SNTG1: variants seen among roughly 807,000 people sequenced by gnomAD.
SNTG1 encodes syntrophin gamma 1.
In SNTG1, 39 loss-of-function variants were observed where a neutral mutation model predicts 74.7. The ratio of observed to expected loss-of-function variants is 0.52; its 90% confidence interval spans 0.40 to 0.68. The LOEUF (loss-of-function observed/expected upper bound fraction) is 0.68, where lower values mean the gene tolerates loss of function less well. Ranked by LOEUF, SNTG1 falls within the 30% of genes least tolerant of loss-of-function variation. The pLI, the probability that SNTG1 is intolerant of heterozygous loss-of-function variation, is 0.00. For missense variants in SNTG1, 685 were observed against 609.5 expected, an observed-to-expected ratio of 1.12 and a Z score of -1.30; for synonymous variants, 254 against 217.1, an observed-to-expected ratio of 1.17 and a Z score of -1.49.
In SNTG1 at chr8:50,796,514, A is replaced by C. The variant is rs1802818512; in HGVS notation, c.*3685A>C. On this transcript the variant is annotated 3_prime_UTR_variant, in exon 19 of 19. Coordinates refer to ENST00000642720, the MANE Select transcript of SNTG1 (RefSeq NM_018967.5). The stretch of plus-strand genomic sequence containing the variant: ...ATGCAGTGAAAAGACAAGAAATATA[A>C]AATGTAAATATATTTATTTCATTTT... 1 of 151,938 alleles carries C rather than the reference A, an allele frequency of 6.6e-6. No individual in the cohort carries two copies. The highest frequency in any genetic ancestry group is 1.5e-5 in the Non-Finnish European group (1 of 67,918). The allele number at this position is 151,938 out of a possible 1,614,324, so 9.4% of individuals were successfully genotyped here. A position where few individuals can be genotyped will look rare whatever the true frequency, so the allele number is the denominator to read the frequency against.
chr8:50,354,861 G>T (rs764790099), intron 2 of SNTG1, among the ~76,000 whole-genome samples: 1 of 152,084 alleles, frequency 6.6e-6, no homozygotes, highest in African/African-American at 2.4e-5. Flanking sequence ...CTAACTAAAA[G>T]TAATAAAATT....
At chr8:50,113,111 A>G (rs1303953146) in intron 1 of SNTG1, among the ~76,000 whole-genome samples, 1 of 152,126 alleles carries the variant, frequency 6.6e-6, no homozygotes, top group Admixed American at 6.6e-5. Context: ...TGAATTTTAA[A>G]GTAGTTTTTT....
intron 2 of SNTG1, among the ~76,000 whole-genome samples, chr8:50,185,219 G>A (rs1212241247): frequency 1.3e-5 from 2 of 152,072 alleles, no homozygotes; most frequent in Non-Finnish European, 2.9e-5. Flanking sequence ...TCATGATAAT[G>A]ACTGAGTCTC....
intron 1 of SNTG1, among the ~76,000 whole-genome samples, chr8:50,084,948 A>G (rs1172012203): frequency 2.0e-5 from 3 of 152,126 alleles, no homozygotes; most frequent in Non-Finnish European, 2.9e-5. Flanking sequence ...TCTGTTTTTC[A>G]TAAATTATCC....
chr8:50,179,431 A>T (rs1353159532), intron 2 of SNTG1, among the ~76,000 whole-genome samples: 8 of 152,192 alleles, frequency 5.3e-5, no homozygotes, highest in African/African-American at 1.7e-4. Flanking sequence ...CTTTCAAGCC[A>T]TAAACATTAG....
intron 1 of SNTG1, among the ~76,000 whole-genome samples, chr8:50,073,539 T>C (rs779873889): frequency 1.3e-5 from 2 of 152,220 alleles, no homozygotes; most frequent in Non-Finnish European, 2.9e-5. Context: ...GAGTTCTGAA[T>C]GTTATTAATG....
Position 50,221,485 on chromosome 8 carries a change from C to T in SNTG1, c.-28+48850C>T, listed in dbSNP as rs146221815. ...AGAGATGATAATGCAAGGACTTTTA[C>T]ATCTGCTACCCCTCCCAACACACAC... On this transcript the variant is annotated intron_variant, in intron 2 of 18. Coordinates refer to ENST00000642720, the MANE Select transcript of SNTG1 (RefSeq NM_018967.5). Among the ~76,000 whole-genome samples, 1,228 of 150,014 alleles carry T rather than the reference C, an allele frequency of 8.2e-3. 19 individuals carry two copies. Among genetic ancestry groups the T allele is most frequent in the African/African-American group, 0.029 (1,180 of 40,596 alleles).
At chr8:49,928,131 T>C (rs928419815) in intron 1 of SNTG1, among the ~76,000 whole-genome samples, 5 of 134,454 alleles carry the variant, frequency 3.7e-5, no homozygotes, top group African/African-American at 1.4e-4. Context: ...TCTGTGAAAC[T>C]CTGTCTCAAA....
chr8:50,760,872 C>T (rs1488837106), intron 18 of SNTG1, among the ~76,000 whole-genome samples: 1 of 151,916 alleles, frequency 6.6e-6, no homozygotes, highest in Non-Finnish European at 1.5e-5. Context: ...GAAATTGAGG[C>T]AGCAATTAAT....
chr8:50,294,863 A>C (rs1229258513), intron 2 of SNTG1, among the ~76,000 whole-genome samples: 1 of 152,154 alleles, frequency 6.6e-6, no homozygotes, highest in East Asian at 1.9e-4. Context: ...AGGTCAGTGG[A>C]GCAGATGTGC....
At chr8:50,475,097 G>A (rs1328135457) in intron 8 of SNTG1, among the ~76,000 whole-genome samples, 1 of 122,250 alleles carries the variant, frequency 8.2e-6, no homozygotes, top group Non-Finnish European at 1.7e-5. Context: ...GGAGGGGGGA[G>A]GGATAGCATT....
intron 8 of SNTG1, among the ~76,000 whole-genome samples, chr8:50,458,977 A>G (rs1191598256): frequency 6.6e-6 from 1 of 152,172 alleles, no homozygotes; most frequent in Non-Finnish European, 1.5e-5. Flanking sequence ...TGTCTTAGTT[A>G]ATAAATCTTT....
intron 2 of SNTG1, among the ~76,000 whole-genome samples, chr8:50,266,344 C>A (rs2087464644): frequency 1.3e-5 from 2 of 152,016 alleles, no homozygotes; most frequent in Non-Finnish European, 2.9e-5. Context: ...GAAAAATATT[C>A]TTTTCAGCAA....
chr8:50,442,935 T>A lies in SNTG1; in HGVS notation c.219+4336T>A, dbSNP rs142992801. Among the ~76,000 whole-genome samples, 526 of 152,282 alleles carry A rather than the reference T, an allele frequency of 3.5e-3. 3 individuals are homozygous for A. The highest frequency in any genetic ancestry group is 0.012 in the African/African-American group (506 of 41,560). On this transcript the variant is annotated intron_variant, in intron 5 of 18. Coordinates refer to ENST00000642720, the MANE Select transcript of SNTG1 (RefSeq NM_018967.5). The stretch of plus-strand genomic sequence containing the variant: ...TTTTCCCTGCTTGCAGCACCATTTC[T>A]ACTGGCATTTCCTGGTTCTTCTCCC...
chr8:50,613,838 A>C (rs1342976492), intron 13 of SNTG1, among the ~76,000 whole-genome samples: 1 of 152,172 alleles, frequency 6.6e-6, no homozygotes, highest in South Asian at 2.1e-4. Flanking sequence ...AAATTTGTAC[A>C]ATCACTCCAT....
At chr8:50,322,476 C>A (rs13265278) in intron 2 of SNTG1, among the ~76,000 whole-genome samples, 71,947 of 151,934 alleles carry the variant, frequency 0.47, 19,444 homozygotes, top group East Asian at 0.83. Flanking sequence ...TGTCCTTGAT[C>A]TTTGAGAGTT....
At chr8:50,115,883 C>G (rs1466392187) in intron 1 of SNTG1, among the ~76,000 whole-genome samples, 1 of 152,030 alleles carries the variant, frequency 6.6e-6, no homozygotes, top group African/African-American at 2.4e-5. Context: ...CGCCCCCCAA[C>G]CCCCAGTGGA....
intron 1 of SNTG1, among the ~76,000 whole-genome samples, chr8:50,078,376 C>T (rs141171554): frequency 2.4e-4 from 36 of 152,224 alleles, no homozygotes; most frequent in African/African-American, 7.0e-4. Context: ...GCCTTCTTCC[C>T]GGCATTCCAT....
chr8:50,315,028 A>G (rs116622792), intron 2 of SNTG1, among the ~76,000 whole-genome samples: 9,445 of 149,860 alleles, frequency 0.063, 648 homozygotes, highest in South Asian at 0.091. Context: ...TATTTATTAA[A>G]TAATTCATCA....
Sources: allele counts gnomAD v4.1 joint callset (sites outside exome capture counted in the v4.1 genomes callset), GRCh38; gene constraint gnomAD v4.1.1; transcripts MANE v1.5; gene names NCBI Gene and HGNC (gene_info 2026-07-23, HGNC 2026-07-21).